EFL1: variants seen among roughly 807,000 people sequenced by gnomAD.
The protein encoded by EFL1 is elongation factor-like GTPase 1.
A neutral mutation model predicts 126.7 loss-of-function variants in EFL1; 76 were observed. The observed-to-expected ratio is 0.60, with a 90% CI of 0.50 to 0.73. The LOEUF (loss-of-function observed/expected upper bound fraction) is 0.73. Among genes scored for constraint, EFL1 ranks in the 30% least tolerant of loss-of-function variants. The pLI, the probability that EFL1 is intolerant of heterozygous loss-of-function variation, is 0.00. For missense variants in EFL1, 1,128 were observed against 1,343.2 expected, an observed-to-expected ratio of 0.84 and a Z score of 2.50; for synonymous variants, 410 against 448.4, an observed-to-expected ratio of 0.91 and a Z score of 1.08.
chr15:82,212,913 C>A (rs1435898519), intron 15 of EFL1, among the ~76,000 whole-genome samples: 2 of 152,182 alleles, frequency 1.3e-5, no homozygotes, highest in Admixed American at 1.3e-4. Flanking sequence ...GGTCTTGACC[C>A]TTGTGCTCTC....
intron 15 of EFL1, among the ~76,000 whole-genome samples, chr15:82,198,661 G>A (rs931418304): frequency 3.9e-5 from 6 of 152,136 alleles, no homozygotes; most frequent in African/African-American, 1.2e-4. Context: ...GTGAGGAAGG[G>A]TCCTGGAAAA....
rs773849129 is a variant in EFL1, at chr15:82,219,033, G to A, written c.1611+619C>T. ...TGCTTTGTGCTGATCCAGACTGGCT[G>A]CTTGGACCTCTGGCACTGTCTTCAT... On this transcript the variant is annotated intron_variant, in intron 14 of 19. Transcript: ENST00000268206. 1.4e-4 allele frequency among the ~76,000 whole-genome samples: 22 copies of A among 152,116 alleles called. 1 individual carries two copies. Among genetic ancestry groups the A allele is most frequent in the Admixed American group, 2.6e-4 (4 of 15,280 alleles).
intron 11 of EFL1, among the ~76,000 whole-genome samples, chr15:82,225,687 C>T (rs2074755970): frequency 6.6e-6 from 1 of 151,990 alleles, no homozygotes; most frequent in Admixed American, 6.5e-5. Context: ...AATAGCTTTC[C>T]CAATCCCCCA....
rs1313506376 is a variant in EFL1 at position 82,219,595 on chromosome 15, G to A, written c.1611+57C>T. The A allele has an allele frequency of 2.0e-6, 3 of 1,532,280 alleles. No individual in the cohort carries two copies. In the African/African-American group the frequency reaches 4.2e-5, roughly 22 times the overall value. 94.9% of individuals were successfully genotyped at this position (1,532,280 alleles called of 1,614,324 possible). ...ATAATCACCAGTCCCAACAAAATGTGAAAAGATATCAGACCCTCGAGAAAC... is the reference window on the plus strand; with the variant it reads ...ATAATCACCAGTCCCAACAAAATGTAAAAAGATATCAGACCCTCGAGAAAC... On this transcript the variant is annotated intron_variant, in intron 14 of 19. Coordinates refer to ENST00000268206, the MANE Select transcript of EFL1 (RefSeq NM_024580.6).
At chr15:82,163,670 T>C (rs1438746497) in intron 16 of EFL1, among the ~76,000 whole-genome samples, 183 bp downstream of exon 16, 5 of 152,248 alleles carry the variant, frequency 3.3e-5, no homozygotes, top group Admixed American at 3.3e-4. Flanking sequence ...CAAAGGTACC[T>C]GTAACCATGG....
chr15:82,181,614 GTGTGTGCA>G (rs1239097597), intron 15 of EFL1, among the ~76,000 whole-genome samples: 2 of 128,670 alleles, frequency 1.6e-5, no homozygotes, highest in Non-Finnish European at 3.3e-5. Context: ...TCTAATTTAT[GTGTGTGCA>G]TGTGTGTGTG....
chr15:82,231,457 C>T (rs998437067), intron 7 of EFL1, among the ~76,000 whole-genome samples: 1 of 152,074 alleles, frequency 6.6e-6, no homozygotes, highest in African/African-American at 2.4e-5. Flanking sequence ...TGACTTAACT[C>T]GCATCAACCC....
chr15:82,132,572 T>C (rs1307989730), intron 19 of EFL1, among the ~76,000 whole-genome samples: 1 of 150,082 alleles, frequency 6.7e-6, no homozygotes, highest in Non-Finnish European at 1.5e-5. Context: ...TTATCAGCAC[T>C]AGAGTAATAA....
chr15:82,224,506 A>G (rs2074741993), intron 12 of EFL1, among the ~76,000 whole-genome samples: 1 of 152,234 alleles, frequency 6.6e-6, no homozygotes, highest in Admixed American at 6.5e-5. Flanking sequence ...AGCAAGAGAC[A>G]TATCTTCATA....
At chr15:82,131,213 G>A (rs1008880965) in intron 19 of EFL1, among the ~76,000 whole-genome samples, 1 of 152,122 alleles carries the variant, frequency 6.6e-6, no homozygotes, top group African/African-American at 2.4e-5. Flanking sequence ...GAATGTTAAT[G>A]TCTTTGCCAT....
At chr15:82,252,824 T>C (rs1419532394) in intron 3 of EFL1, 49 bp from the exon 4 acceptor site, 2 of 1,063,576 alleles carry the variant, frequency 1.9e-6, no homozygotes, top group Non-Finnish European at 1.4e-6. Context: ...AATTAAAATG[T>C]AACATTAAAA....
intron 15 of EFL1, among the ~76,000 whole-genome samples, chr15:82,167,881 C>G (rs541226306): frequency 1.3e-5 from 2 of 152,346 alleles, no homozygotes; most frequent in South Asian, 4.1e-4. Flanking sequence ...TTATTTCAAA[C>G]TGACTTTAAC....
intron 15 of EFL1, among the ~76,000 whole-genome samples, chr15:82,184,170 C>T (rs894048106): frequency 6.6e-6 from 1 of 152,162 alleles, no homozygotes; most frequent in Non-Finnish European, 1.5e-5. Flanking sequence ...TTATAAATGT[C>T]TATCTTTGAA....
At chr15:82,261,658 C>G (rs369213314) in intron 2 of EFL1, 30 bp downstream of exon 2, 4 of 1,585,808 alleles carry the variant, frequency 2.5e-6, no homozygotes, top group Non-Finnish European at 3.5e-6. Context: ...CCTTATTTAT[C>G]AAAATAAGCC....
At chr15:82,157,457 A>C (rs1023631042) in intron 17 of EFL1, 4 of 317,178 alleles carry the variant, frequency 1.3e-5, no homozygotes, top group Non-Finnish European at 2.3e-5. Flanking sequence ...ACATGCTTAA[A>C]GTAAAATACA....
chr15:82,152,435 T>A lies in EFL1; in HGVS notation c.2031-12A>T. 1 of 1,582,492 alleles carries A rather than the reference T, an allele frequency of 6.3e-7. No homozygotes were observed. Among genetic ancestry groups the A allele is most frequent in the Non-Finnish European group, 8.6e-7 (1 of 1,166,856 alleles). On this transcript the variant is annotated splice_polypyrimidine_tract_variant and intron_variant, in intron 17 of 19. Coordinates refer to ENST00000268206, the MANE Select transcript of EFL1 (RefSeq NM_024580.6). ...GAATCTTTGCAAACCTACAGACAAA[T>A]TCAAGAGAAATAACAGAAGGTTAAA... is the stretch of plus-strand genomic sequence containing the variant.
intron 15 of EFL1, among the ~76,000 whole-genome samples, chr15:82,175,911 A>G (rs1322984529): frequency 6.6e-6 from 1 of 152,240 alleles, no homozygotes. Context: ...TAATAACTAA[A>G]ATACAAACTG....
At chr15:82,228,443 C>G (rs550182627) in intron 9 of EFL1, 116 bp from the exon 10 acceptor site, 7 of 1,336,556 alleles carry the variant, frequency 5.2e-6, no homozygotes, top group African/African-American at 1.5e-5. Context: ...TCAAAAAAAG[C>G]TAAAAATGAT....
intron 7 of EFL1, among the ~76,000 whole-genome samples, chr15:82,234,140 A>C (rs1019713060): frequency 6.6e-6 from 1 of 152,196 alleles, no homozygotes; most frequent in Non-Finnish European, 1.5e-5. Context: ...ACTTCCCCCA[A>C]TTTGTGTGAT....
Sources: allele counts gnomAD v4.1 joint callset (sites outside exome capture counted in the v4.1 genomes callset), GRCh38; gene constraint gnomAD v4.1.1; transcripts MANE v1.5; gene names NCBI Gene and HGNC (gene_info 2026-07-23, HGNC 2026-07-21).